Variants in HOMER2 observed in about 807,000 individuals in gnomAD.
HOMER2 encodes the protein homer scaffold protein 2.
Under a neutral mutation model 47.0 loss-of-function variants are expected in HOMER2, and 27 were observed. The ratio of observed to expected loss-of-function variants is 0.57; its 90% confidence interval spans 0.42 to 0.79. The LOEUF is 0.79. HOMER2 is among the 30% of genes least tolerant of loss of function. HOMER2 has a pLI of 0.00. For synonymous variants in HOMER2, 161 were observed against 163.8 expected (o/e 0.98, Z 0.13); for missense variants, 443 against 435.0 (o/e 1.02, Z -0.16).
At position 82,849,540 on chromosome 15, in the gene HOMER2, A is replaced by T. The variant is rs909158454; in HGVS notation, c.*175T>A. On this transcript the variant is annotated 3_prime_UTR_variant, in exon 9 of 9. Transcript: ENST00000450735. Reference sequence around the variant, plus strand: ...GTCCACAACCTCACAAGGCCAGAGAAGCGAGAGGAGATTTCTATTCTGAAA... The same window carrying T: ...GTCCACAACCTCACAAGGCCAGAGATGCGAGAGGAGATTTCTATTCTGAAA... 5.0e-6 allele frequency: 3 copies of T among 602,904 alleles called. No homozygotes were observed. The highest frequency in any genetic ancestry group is 1.9e-5 in the African/African-American group (1 of 53,952). The allele number at this position is 602,904 out of a possible 1,614,324, so 37.3% of individuals were successfully genotyped here.
At chr15:82,918,960 T>G (rs950010857) in intron 1 of HOMER2, among the ~76,000 whole-genome samples, 1 of 152,130 alleles carries the variant, frequency 6.6e-6, no homozygotes, top group African/African-American at 2.4e-5. Flanking sequence ...GAAGGTGTCT[T>G]AAAGAAGCGT....
At chr15:82,968,257 A>G (rs2054693827) in intron 1 of HOMER2, among the ~76,000 whole-genome samples, 1 of 152,146 alleles carries the variant, frequency 6.6e-6, no homozygotes, top group Non-Finnish European at 1.5e-5. Flanking sequence ...TATCACCACT[A>G]TACAGTTCCA....
Position 82,875,380 on chromosome 15 carries a change from G to A in HOMER2, c.187C>T (p.Pro63Ser), listed in dbSNP as rs776671662. The change falls in exon 3 of 9, where the codon CCG (proline) becomes TCG (serine). Residue 63 changes from proline (P) to serine (S), a missense_variant. Physicochemically the swap from Pro to Ser is moderately conservative, Grantham distance 74. Coordinates refer to ENST00000450735, the MANE Select transcript of HOMER2 (RefSeq NM_004839.4). ...GACGTTTTGGTGAAGGTCATATTCGGTGTGATTGTGCTGTTTATGATCACC... is the reference window on the plus strand; with the variant it reads ...GACGTTTTGGTGAAGGTCATATTCGATGTGATTGTGCTGTTTATGATCACC... ...AKVIINSTIT[P>S]NMTFTKTSQK... The A allele has an allele frequency of 3.7e-6, 6 of 1,613,966 alleles. No individual in the cohort carries two copies. The highest frequency in any genetic ancestry group is 5.1e-6 in the Non-Finnish European group (6 of 1,179,866).
intron 3 of HOMER2, among the ~76,000 whole-genome samples, chr15:82,874,439 A>G (rs1345096682): frequency 1.3e-5 from 2 of 152,222 alleles, no homozygotes; most frequent in Admixed American, 1.3e-4. Context: ...TCTCTAAAAC[A>G]GGCTCTCAGC....
intron 1 of HOMER2, among the ~76,000 whole-genome samples, chr15:82,903,883 T>A (rs2053207741): frequency 6.6e-6 from 1 of 152,174 alleles, no homozygotes; most frequent in Non-Finnish European, 1.5e-5. Flanking sequence ...ATGCCTGTAA[T>A]CCCAACACTT....
intron 1 of HOMER2, chr15:82,926,225 C>G (rs760302077): frequency 4.6e-5 from 7 of 152,302 alleles, no homozygotes; most frequent in Admixed American, 4.6e-4. Flanking sequence ...GATGAGAGGT[C>G]CAAAGTCAAG....
In HOMER2 at chr15:82,913,146, A is replaced by G. The variant is rs918077409; in HGVS notation, c.6-20305T>C. ...GCAGATAGTGGGCAGGCCATATTTC[A>G]AAGACGACGAAGATGTCATACTGGA... is the stretch of plus-strand genomic sequence containing the variant. On this transcript the variant is annotated intron_variant, in intron 1 of 8. Transcript: ENST00000450735. This position sits in a 1 kb window ranked among gnomAD's most constrained non-coding sequence, Gnocchi z 4.1. Among the ~76,000 whole-genome samples the G allele has an allele frequency of 1.3e-5, 2 of 152,164 alleles. No homozygotes were observed. The highest frequency in any genetic ancestry group is 1.3e-4 in the Admixed American group (2 of 15,278).
In HOMER2 at chr15:82,853,558, T is replaced by C. The variant is rs141990231; in HGVS notation, c.651+1086A>G. 8.2e-3 allele frequency among the ~76,000 whole-genome samples: 1,238 copies of C among 151,330 alleles called. 5 individuals carry two copies. The highest frequency in any genetic ancestry group is 0.012 in the Non-Finnish European group (838 of 67,820). On this transcript the variant is annotated intron_variant, in intron 6 of 8. Transcript: ENST00000450735. ...GGGAGAAAAGGGGGTCAAGGGGGAG[T>C]GAACACCAATCTAAATGGGACCTGT...
intron 1 of HOMER2, among the ~76,000 whole-genome samples, chr15:82,896,943 T>G (rs1005325007): frequency 6.6e-6 from 1 of 152,066 alleles, no homozygotes; most frequent in Non-Finnish European, 1.5e-5. Flanking sequence ...GCTCTCCACT[T>G]TGAAACTGCA....
At chr15:82,850,126 C>G (rs1304838824) in intron 8 of HOMER2, among the ~76,000 whole-genome samples, 1 of 152,234 alleles carries the variant, frequency 6.6e-6, no homozygotes, top group African/African-American at 2.4e-5. Context: ...CCTGCTCTCC[C>G]ACAGAGGGAC....
At chr15:82,960,567 G>A (rs1039008886) in intron 1 of HOMER2, among the ~76,000 whole-genome samples, 41 of 152,176 alleles carry the variant, frequency 2.7e-4, no homozygotes, top group African/African-American at 9.9e-4. Flanking sequence ...TAAAAAGCGA[G>A]ATAACTCCTT....
At chr15:82,909,458 G>A (rs970040845) in intron 1 of HOMER2, among the ~76,000 whole-genome samples, 3 of 152,154 alleles carry the variant, frequency 2.0e-5, no homozygotes, top group Admixed American at 6.5e-5. Context: ...AATTGGAGTG[G>A]TGGGGTGAGT....
intron 1 of HOMER2, among the ~76,000 whole-genome samples, chr15:82,936,982 C>A (rs1567064912): frequency 6.6e-6 from 1 of 152,026 alleles, no homozygotes; most frequent in African/African-American, 2.4e-5. Context: ...GGGGCCTGGA[C>A]CAAAAATATT....
upstream of HOMER2, among the ~76,000 whole-genome samples, chr15:82,953,624 A>G (rs2054550917): frequency 6.6e-6 from 1 of 152,220 alleles, no homozygotes; most frequent in Non-Finnish European, 1.5e-5. Context: ...CTGTAATCCC[A>G]GCACTTTGGG....
chr15:82,875,323 C>G lies in HOMER2; in HGVS notation c.244G>C (p.Ala82Pro). Reference sequence around the variant, plus strand: ...AACCCCAAACCAAACACTGTGTTGGCTCTGCTGTCGGCCCACTGCCCAAAC... The same window carrying G: ...AACCCCAAACCAAACACTGTGTTGGGTCTGCTGTCGGCCCACTGCCCAAAC... Reference protein sequence around the residue: ...QKFGQWADSRANTVFGLGFSS... With the variant: ...QKFGQWADSRPNTVFGLGFSS... The change falls in exon 3 of 9, where the codon GCC (alanine) becomes CCC (proline). Residue 82 changes from alanine (A) to proline (P), a missense_variant. Transcript: ENST00000450735. 1 of 1,613,954 alleles carries G rather than the reference C, an allele frequency of 6.2e-7. No individual in the cohort carries two copies. Among genetic ancestry groups the G allele is most frequent in the Non-Finnish European group, 8.5e-7 (1 of 1,179,890 alleles).
At chr15:82,860,792 C>T (rs577437176) in intron 4 of HOMER2, among the ~76,000 whole-genome samples, 3 of 151,954 alleles carry the variant, frequency 2.0e-5, no homozygotes, top group Admixed American at 2.0e-4. Context: ...CAAAAATTAG[C>T]CAGACATGGT....
intron 3 of HOMER2, among the ~76,000 whole-genome samples, chr15:82,870,290 T>C (rs1481870530): frequency 6.6e-6 from 1 of 152,124 alleles, no homozygotes; most frequent in Admixed American, 6.5e-5. Context: ...TTTCCCTGGT[T>C]TTTGGTGGGG....
intron 1 of HOMER2, among the ~76,000 whole-genome samples, chr15:82,904,350 A>C (rs2053224717): frequency 6.6e-6 from 1 of 152,082 alleles, no homozygotes. Context: ...ATTGCTGAAG[A>C]CTCAGTGTGG....
upstream of HOMER2, among the ~76,000 whole-genome samples, chr15:82,952,963 C>A (rs1319005957): frequency 6.6e-6 from 1 of 152,280 alleles, no homozygotes; most frequent in Non-Finnish European, 1.5e-5. Flanking sequence ...CACGCCGACC[C>A]GGGGCCCTGG....
Sources: allele counts gnomAD v4.1 joint callset (sites outside exome capture counted in the v4.1 genomes callset), GRCh38; gene constraint gnomAD v4.1.1; non-coding constraint Gnocchi (gnomAD v3.1); transcripts MANE v1.5; gene names NCBI Gene and HGNC (gene_info 2026-07-23, HGNC 2026-07-21).